The following LRRC1 variants were observed in gnomAD, a reference collection of about 807,000 sequenced individuals.
LRRC1 encodes leucine-rich repeat-containing protein 1.
Under a neutral mutation model 69.9 loss-of-function variants are expected in LRRC1, and 28 were observed. That is an observed-to-expected ratio of 0.40 (90% CI 0.30 to 0.55). LRRC1 has a LOEUF of 0.55. LRRC1 is among the 20% of genes least tolerant of loss of function. The pLI is 0.47. For synonymous variants in LRRC1, 236 were observed against 240.2 expected, an observed-to-expected ratio of 0.98 and a Z score of 0.16; for missense variants, 498 against 609.0, an observed-to-expected ratio of 0.82 and a Z score of 1.92.
intron 12 of LRRC1, among the ~76,000 whole-genome samples, chr6:53,920,172 G>A (rs1768694071): frequency 6.6e-6 from 1 of 152,202 alleles, no homozygotes; most frequent in South Asian, 2.1e-4. Flanking sequence ...GGGGGAATGG[G>A]AGCCCAAGTG....
In LRRC1 at chr6:53,891,505, C is replaced by T. The variant is rs549657085; in HGVS notation, c.447-4993C>T. Reference sequence around the variant, plus strand: ...AAGTGCCAGATATATATGTATAGAACGCTACCTTTCTTGTAAAAAAAAAAA... The same window carrying T: ...AAGTGCCAGATATATATGTATAGAATGCTACCTTTCTTGTAAAAAAAAAAA... On this transcript the variant is annotated intron_variant, in intron 4 of 13. Transcript: ENST00000370888. Among the ~76,000 whole-genome samples the T allele has an allele frequency of 2.4e-3, 354 of 148,668 alleles. 1 individual carries two copies. The highest frequency in any genetic ancestry group is 8.0e-3 in the African/African-American group (322 of 40,344).
At chr6:53,826,528 A>G (rs1475759026) in intron 1 of LRRC1, among the ~76,000 whole-genome samples, 1 of 152,212 alleles carries the variant, frequency 6.6e-6, no homozygotes, top group African/African-American at 2.4e-5. Context: ...ATTCATGTAC[A>G]TATTATCTTT....
chr6:53,814,216 A>G (rs1326278718), intron 1 of LRRC1, among the ~76,000 whole-genome samples: 2 of 152,086 alleles, frequency 1.3e-5, no homozygotes, highest in Non-Finnish European at 2.9e-5. Context: ...AAAATCTTCT[A>G]TTTTCTTAGT....
intron 10 of LRRC1, 63 bp downstream of exon 10, chr6:53,904,525 G>A: frequency 8.9e-7 from 1 of 1,120,232 alleles, no homozygotes; most frequent in Non-Finnish European, 1.3e-6. Flanking sequence ...ATACATAAGG[G>A]ATCAAAAATG....
chr6:53,895,207 C>T (rs1767830782), intron 4 of LRRC1, among the ~76,000 whole-genome samples: 2 of 152,148 alleles, frequency 1.3e-5, no homozygotes, highest in South Asian at 2.1e-4. Context: ...GGTGAGCCAC[C>T]GCGCCCGGCT....
intron 2 of LRRC1, among the ~76,000 whole-genome samples, chr6:53,867,082 C>G (rs1766725160): frequency 6.6e-6 from 1 of 152,040 alleles, no homozygotes; most frequent in Admixed American, 6.5e-5. Context: ...GGGCCAAATC[C>G]TGGCCTTCCC....
At chr6:53,855,538 A>G (rs1293165423) in intron 2 of LRRC1, among the ~76,000 whole-genome samples, 1 of 152,204 alleles carries the variant, frequency 6.6e-6, no homozygotes, top group Non-Finnish European at 1.5e-5. Context: ...CACAGCAGCA[A>G]GCACCTCGGG....
chr6:53,860,886 A>T (rs1049493508), intron 2 of LRRC1, among the ~76,000 whole-genome samples: 1 of 152,184 alleles, frequency 6.6e-6, no homozygotes, highest in Non-Finnish European at 1.5e-5. Flanking sequence ...GCAGGGCAAC[A>T]TGGACGGAGC....
intron 4 of LRRC1, among the ~76,000 whole-genome samples, chr6:53,895,248 A>G (rs988751010): frequency 1.3e-5 from 2 of 152,140 alleles, no homozygotes; most frequent in African/African-American, 4.8e-5. Flanking sequence ...AGAAATTGAA[A>G]GTTTTGTTCT....
intron 1 of LRRC1, among the ~76,000 whole-genome samples, chr6:53,821,010 CT>C (rs1302602277): frequency 6.6e-6 from 1 of 152,180 alleles, no homozygotes; most frequent in Non-Finnish European, 1.5e-5. Context: ...GGTACCACAG[CT>C]TGTTCTCTCT....
At chr6:53,917,209 G>A (rs1343260759) in intron 11 of LRRC1, among the ~76,000 whole-genome samples, 5 of 152,216 alleles carry the variant, frequency 3.3e-5, no homozygotes, top group African/African-American at 4.8e-5. Context: ...GCTGTAGTGA[G>A]TTAGAGGATC....
intron 2 of LRRC1, among the ~76,000 whole-genome samples, chr6:53,850,599 CTTT>C (rs1271946095): frequency 1.3e-5 from 2 of 152,166 alleles, no homozygotes; most frequent in South Asian, 4.1e-4. Flanking sequence ...GATTCTTTCT[CTTT>C]TTATTATATA....
intron 2 of LRRC1, among the ~76,000 whole-genome samples, chr6:53,876,077 A>T (rs921407986): frequency 1.3e-5 from 2 of 152,176 alleles, no homozygotes; most frequent in Admixed American, 6.5e-5. Flanking sequence ...TGGGCAATTT[A>T]AGACAGAAGG....
chr6:53,813,502 G>C (rs1031056740), intron 1 of LRRC1, among the ~76,000 whole-genome samples: 14 of 150,662 alleles, frequency 9.3e-5, no homozygotes, highest in African/African-American at 2.9e-4. Flanking sequence ...TTACCAGCTG[G>C]AAGGTGGGCC....
intron 4 of LRRC1, among the ~76,000 whole-genome samples, chr6:53,888,455 CTCAA>C (rs1274422478): frequency 6.6e-6 from 1 of 152,026 alleles, no homozygotes; most frequent in African/African-American, 2.4e-5. Context: ...TTAAAGAAGA[CTCAA>C]TAAGTGGTAA....
chr6:53,880,897 G>A (rs570977457), intron 3 of LRRC1, among the ~76,000 whole-genome samples: 1 of 152,300 alleles, frequency 6.6e-6, no homozygotes, highest in African/African-American at 2.4e-5. Flanking sequence ...GGTTTGGCAA[G>A]CTGGGAAATA....
chr6:53,819,530 TTGTC>T (rs774262967), intron 1 of LRRC1, among the ~76,000 whole-genome samples: 3 of 152,134 alleles, frequency 2.0e-5, no homozygotes, highest in African/African-American at 4.8e-5. Context: ...AGGAGGTACT[TTGTC>T]TGCTTGGACA....
At chr6:53,799,935 C>T (rs1764419583) in intron 1 of LRRC1, among the ~76,000 whole-genome samples, 1 of 152,172 alleles carries the variant, frequency 6.6e-6, no homozygotes, top group African/African-American at 2.4e-5. Flanking sequence ...CCCTCACTCC[C>T]ATCTGGTAGG....
At chr6:53,905,263 G>C (rs1474460469) in intron 10 of LRRC1, 2 of 150,642 alleles carry the variant, frequency 1.3e-5, no homozygotes, top group African/African-American at 4.9e-5. Context: ...GAACCCGGGA[G>C]GCTAAGGTTG....
Sources: gnomAD v4.1 joint callset for allele counts (sites outside exome capture counted in the v4.1 genomes callset) on GRCh38, gnomAD v4.1.1 for gene constraint, MANE v1.5 for transcripts, NCBI Gene and HGNC (gene_info 2026-07-23, HGNC 2026-07-21) for gene names.